PDE8B: variants seen among roughly 807,000 people sequenced by gnomAD.
PDE8B encodes phosphodiesterase 8B, also known as high affinity cAMP-specific and IBMX-insensitive 3',5'-cyclic phosphodiesterase 8B.
In PDE8B, 26 loss-of-function variants were observed where a neutral mutation model predicts 101.3. That is an observed-to-expected ratio of 0.26 (90% confidence interval 0.19 to 0.36). The LOEUF (loss-of-function observed/expected upper bound fraction) is 0.36. Ranked by LOEUF, PDE8B falls within the 10% of genes least tolerant of loss-of-function variation. The probability of loss-of-function intolerance (pLI) is 1.00; values close to 1 mark genes in which losing one functional copy is unlikely to be tolerated. For synonymous variants in PDE8B, 424 were observed against 429.3 expected (o/e 0.99, Z 0.15); for missense variants, 810 against 1,163.1 (o/e 0.70, Z 4.42).
chr5:77,282,517 A>C (rs1765211769), intron 1 of PDE8B, among the ~76,000 whole-genome samples: 1 of 152,134 alleles, frequency 6.6e-6, no homozygotes, highest in South Asian at 2.1e-4. Flanking sequence ...GCTGGAAGTC[A>C]GACATGAGAG....
At chr5:77,374,251 C>G (rs930130501) in intron 10 of PDE8B, among the ~76,000 whole-genome samples, 1 of 152,060 alleles carries the variant, frequency 6.6e-6, no homozygotes, top group Non-Finnish European at 1.5e-5. Flanking sequence ...CACTTACTTT[C>G]AATCTGTGTC....
chr5:77,233,967 G>A (rs1248492132), intron 1 of PDE8B, among the ~76,000 whole-genome samples: 1 of 151,970 alleles, frequency 6.6e-6, no homozygotes, highest in Non-Finnish European at 1.5e-5. Context: ...CCTGCTTTGT[G>A]CTGGGTACTT....
At position 77,353,397 on chromosome 5, in the gene PDE8B, TA is replaced by T; in HGVS notation, c.1160del (p.Asn387IlefsTer34). On this transcript the variant is annotated frameshift_variant, in exon 10 of 22. Coordinates refer to ENST00000264917, the MANE Select transcript of PDE8B (RefSeq NM_003719.5). LOFTEE classifies it high-confidence loss of function. The stretch of plus-strand genomic sequence containing the variant: ...AGAAACTGTGTTGTACCACTGACAA[TA>T]ATAAGCAGGTATGGTATTAGCTCAC... ...LKKLCCTTDN[N>X]KQIHKIHRDS... is the part of the protein sequence containing the mutation. The T allele has an allele frequency of 6.3e-7, 1 of 1,596,488 alleles. No individual in the cohort carries two copies. The highest frequency in any genetic ancestry group is 8.6e-7 in the Non-Finnish European group (1 of 1,163,914).
At chr5:77,283,302 G>A (rs1326288480) in intron 1 of PDE8B, among the ~76,000 whole-genome samples, 3 of 152,098 alleles carry the variant, frequency 2.0e-5, no homozygotes, top group Non-Finnish European at 1.5e-5. Flanking sequence ...CCCCACCAGA[G>A]TGGTACATTT....
rs544604660 is a variant in PDE8B at position 77,302,025 on chromosome 5, C to G, written c.340-9969C>G. Among the ~76,000 whole-genome samples, 269 of 152,174 alleles carry G rather than the reference C, an allele frequency of 1.8e-3. 1 individual carries two copies. The highest frequency in any genetic ancestry group is 0.011 in the South Asian group (55 of 4,816). On this transcript the variant is annotated intron_variant, in intron 1 of 21. Transcript: ENST00000264917. ...CCATTTTTTTCTTTCCATTTTAATGCATAATCGACATCAGGCTGAGTTTTT... is the reference window on the plus strand; with the variant it reads ...CCATTTTTTTCTTTCCATTTTAATGGATAATCGACATCAGGCTGAGTTTTT...
chr5:77,284,622 C>G (rs1289108521), intron 1 of PDE8B, among the ~76,000 whole-genome samples: 1 of 152,234 alleles, frequency 6.6e-6, no homozygotes, highest in African/African-American at 2.4e-5. Context: ...TCAGAAGCCT[C>G]TCTTGTCCCC....
At chr5:77,146,424 G>T in the PDE8B span, 1 of 152,420 alleles carries the variant, frequency 6.6e-6, no homozygotes, top group African/African-American at 2.4e-5. Context: ...GGCAAAAAAT[G>T]ATGAGATATA....
At chr5:77,260,097 C>T (rs1760162229) in intron 1 of PDE8B, among the ~76,000 whole-genome samples, 1 of 135,850 alleles carries the variant, frequency 7.4e-6, no homozygotes, top group Non-Finnish European at 1.5e-5. Context: ...TCGGGAGTTG[C>T]AGTGAGCAAA....
the PDE8B span, among the ~76,000 whole-genome samples, chr5:77,093,163 A>T: frequency 6.6e-6 from 1 of 152,038 alleles, no homozygotes; most frequent in Non-Finnish European, 1.5e-5. Context: ...ATTGCTATTA[A>T]TTTTTCTTTA....
chr5:77,347,351 C>G (rs1357169258), intron 7 of PDE8B, among the ~76,000 whole-genome samples: 4 of 152,118 alleles, frequency 2.6e-5, no homozygotes, highest in Admixed American at 2.0e-4. Context: ...AACTTGGGTG[C>G]CTTGGCTCCA....
chr5:77,134,792 G>T, the PDE8B span, among the ~76,000 whole-genome samples: 1 of 152,138 alleles, frequency 6.6e-6, no homozygotes, highest in African/African-American at 2.4e-5. Context: ...GATGACTATG[G>T]GTTGCGATCT....
the PDE8B span, among the ~76,000 whole-genome samples, chr5:77,097,440 A>G: frequency 6.6e-6 from 1 of 151,780 alleles, no homozygotes; most frequent in Admixed American, 6.6e-5. Context: ...AGCTACTTTT[A>G]TATGATTATT....
At chr5:77,240,444 C>T (rs1277718305) in intron 1 of PDE8B, among the ~76,000 whole-genome samples, 1 of 152,204 alleles carries the variant, frequency 6.6e-6, no homozygotes, top group Non-Finnish European at 1.5e-5. Flanking sequence ...TGAGCCACCG[C>T]GCCCGGCCAA....
chr5:77,364,116 T>C (rs1007715512), intron 10 of PDE8B, among the ~76,000 whole-genome samples: 3 of 152,168 alleles, frequency 2.0e-5, no homozygotes, highest in Non-Finnish European at 4.4e-5. Context: ...TATGGAAAAC[T>C]GGAGGCCCAG....
chr5:77,185,352 C>T, the PDE8B span, among the ~76,000 whole-genome samples: 1 of 152,174 alleles, frequency 6.6e-6, no homozygotes, highest in African/African-American at 2.4e-5. Flanking sequence ...CTGAGGACCT[C>T]TCTTCTTGGC....
rs189263778 is a variant in PDE8B, at chr5:77,239,585, C to G, written c.339+28321C>G. On this transcript the variant is annotated intron_variant, in intron 1 of 21. Transcript: ENST00000264917. ...ACAATAAACAACACCAATCTTTTCT[C>G]TCCTTTACTGGATAATTTTAGTGTG... is the stretch of plus-strand genomic sequence containing the variant. 9.2e-5 allele frequency among the ~76,000 whole-genome samples: 14 copies of G among 152,350 alleles called. 1 individual carries two copies. The East Asian group carries it at 1.3e-3, about 15-fold the overall frequency.
chr5:77,202,506 T>C, the PDE8B span, among the ~76,000 whole-genome samples: 2 of 152,264 alleles, frequency 1.3e-5, no homozygotes, highest in African/African-American at 4.8e-5. Context: ...TTTTTCTTAA[T>C]AACATTTTCT....
chr5:77,326,500 AAT>A (rs1256852575), intron 3 of PDE8B, among the ~76,000 whole-genome samples: 2 of 152,198 alleles, frequency 1.3e-5, no homozygotes, highest in African/African-American at 4.8e-5. Context: ...CCTGACAAGA[AAT>A]TAGTGGATTA....
chr5:77,240,395 C>T (rs1442380392), intron 1 of PDE8B, among the ~76,000 whole-genome samples: 2 of 152,136 alleles, frequency 1.3e-5, no homozygotes, highest in Admixed American at 6.5e-5. Context: ...CCTCGTGATC[C>T]GCCCGCCTCG....
Sources: gnomAD v4.1 joint callset for allele counts (sites outside exome capture counted in the v4.1 genomes callset) on GRCh38, gnomAD v4.1.1 for gene constraint, MANE v1.5 for transcripts, NCBI Gene and HGNC (gene_info 2026-07-23, HGNC 2026-07-21) for gene names.